Variants in FANK1 observed in about 807,000 individuals in gnomAD.
FANK1 encodes the protein fibronectin type III and ankyrin repeat domains 1.
FANK1 carries 44 observed loss-of-function variants against 45.3 expected under a neutral mutation model. The observed-to-expected ratio is 0.97, with a 90% CI of 0.76 to 1.25. The LOEUF is 1.25. Among genes scored for constraint, FANK1 ranks in the 50% most tolerant of loss-of-function variants. The pLI, the probability that FANK1 is intolerant of heterozygous loss-of-function variation, is 0.00. For missense variants in FANK1, 391 were observed against 424.4 expected (o/e 0.92, Z 0.69); for synonymous variants, 149 against 152.5 (o/e 0.98, Z 0.17).
chr10:125,917,144 A>G (rs1426050231), intron 1 of FANK1, among the ~76,000 whole-genome samples: 1 of 150,852 alleles, frequency 6.6e-6, no homozygotes, highest in East Asian at 2.0e-4. Flanking sequence ...ACTTATGCTA[A>G]ATGCTGTGTC....
At position 126,008,532 on chromosome 10, in the gene FANK1, T is replaced by G; in HGVS notation, c.831T>G (p.Asn277Lys). 1 of 1,611,176 alleles carries G rather than the reference T, an allele frequency of 6.2e-7. No individual in the cohort carries two copies. Among genetic ancestry groups the G allele is most frequent in the Non-Finnish European group, 8.5e-7 (1 of 1,179,236 alleles). Residue 277 changes from asparagine (N) to lysine (K), a missense_variant, in exon 8 of 11, where the codon AAT (asparagine) becomes AAG (lysine). Physicochemically the swap from Asn to Lys is moderately conservative, Grantham distance 94 (BLOSUM62 0). Coordinates refer to ENST00000368693, the MANE Select transcript of FANK1 (RefSeq NM_145235.5). Reference sequence around the variant, plus strand: ...CCAATGTGAATGTGAAGGACAGAAATGGAAAGACGCCCCTTATGGTAGGTC... The same window carrying G: ...CCAATGTGAATGTGAAGGACAGAAAGGGAAAGACGCCCCTTATGGTAGGTC... ...AGANVNVKDR[N>K]GKTPLMVAVL...
chr10:125,923,242 T>A (rs2134131860), intron 1 of FANK1, among the ~76,000 whole-genome samples: 1 of 151,916 alleles, frequency 6.6e-6, no homozygotes, highest in South Asian at 2.1e-4. Context: ...GAGGACCACT[T>A]GACTACAGTA....
chr10:125,915,432 G>A (rs1470068432), intron 1 of FANK1, among the ~76,000 whole-genome samples: 1 of 152,222 alleles, frequency 6.6e-6, no homozygotes, highest in Non-Finnish European at 1.5e-5. Flanking sequence ...TCCAAGGCAG[G>A]TTGATTTGCA....
At chr10:125,996,756 T>A in intron 5 of FANK1, 132 bp downstream of exon 5, 1 of 696,116 alleles carries the variant, frequency 1.4e-6, no homozygotes, top group South Asian at 2.2e-5. Context: ...TCCCAAACCG[T>A]ACCATATGAT....
intron 1 of FANK1, among the ~76,000 whole-genome samples, chr10:125,952,849 ACACACACACACT>A (rs1949339992): frequency 9.2e-6 from 1 of 108,116 alleles, no homozygotes; most frequent in African/African-American, 3.6e-5. Flanking sequence ...ACACACACAC[ACACACACACACT>A]GTTCTTACGT....
chr10:125,972,985 C>T (rs1476679623), intron 1 of FANK1: 1 of 152,514 alleles, frequency 6.6e-6, no homozygotes, highest in African/African-American at 2.4e-5. Context: ...TGTACCAGAT[C>T]TGGAGGGGTG....
At chr10:125,985,392 A>T (rs1370644409) in intron 2 of FANK1, among the ~76,000 whole-genome samples, 1 of 152,186 alleles carries the variant, frequency 6.6e-6, no homozygotes, top group Non-Finnish European at 1.5e-5. Context: ...CTACCTACTC[A>T]TAAGACTACT....
chr10:125,996,499 C>G (rs765081204), intron 4 of FANK1, 51 bp from the exon 5 acceptor site: 9 of 1,570,112 alleles, frequency 5.7e-6, no homozygotes, highest in Non-Finnish European at 7.9e-6. Context: ...GGCTTTGACT[C>G]TGCAGTAGCT....
chr10:125,994,339 C>T (rs967880676), intron 3 of FANK1: 4 of 959,378 alleles, frequency 4.2e-6, no homozygotes, highest in Non-Finnish European at 5.0e-6. Flanking sequence ...TGCTAACCCC[C>T]TAGAGCCTAG....
At chr10:125,920,943 A>G (rs1410477797) in intron 1 of FANK1, among the ~76,000 whole-genome samples, 1 of 152,204 alleles carries the variant, frequency 6.6e-6, no homozygotes, top group Non-Finnish European at 1.5e-5. Context: ...CTGGCCTTCT[A>G]ATGATTTCAC....
At chr10:125,957,791 C>T (rs11244722) in intron 1 of FANK1, among the ~76,000 whole-genome samples, 56,537 of 152,036 alleles carry the variant, frequency 0.37, 11,017 homozygotes, top group Non-Finnish European at 0.44. Context: ...TCCCAAAGTG[C>T]TGAGGTTATA....
chr10:125,910,491 C>T (rs1945903072), intron 1 of FANK1, among the ~76,000 whole-genome samples: 1 of 152,138 alleles, frequency 6.6e-6, no homozygotes, highest in Non-Finnish European at 1.5e-5. Flanking sequence ...GTATATCATT[C>T]CAGAGATAGT....
chr10:125,969,936 G>GT (rs1950392715), intron 1 of FANK1, among the ~76,000 whole-genome samples: 1 of 152,206 alleles, frequency 6.6e-6, no homozygotes, highest in Non-Finnish European at 1.5e-5. Flanking sequence ...AGAGCATGGG[G>GT]TTGGGGGTAA....
intron 1 of FANK1, among the ~76,000 whole-genome samples, chr10:125,924,138 T>A (rs1052967981): frequency 3.5e-4 from 54 of 152,228 alleles, no homozygotes; most frequent in African/African-American, 1.3e-3. Flanking sequence ...CCCACAAGTT[T>A]TAGCTTGGCT....
At chr10:125,903,871 C>CA (rs1327503405) in intron 1 of FANK1, among the ~76,000 whole-genome samples, 19 of 151,790 alleles carry the variant, frequency 1.3e-4, no homozygotes, top group Non-Finnish European at 2.5e-4. Context: ...TTTTTTGAGA[C>CA]AGAGTTTCAC....
At chr10:125,905,784 A>C (rs78809128) in intron 1 of FANK1, among the ~76,000 whole-genome samples, 5 of 147,954 alleles carry the variant, frequency 3.4e-5, no homozygotes, top group African/African-American at 1.2e-4. Flanking sequence ...TTTTCTCTTA[A>C]AAGTTTCTGC....
At chr10:125,903,088 C>T (rs561206914) in intron 1 of FANK1, among the ~76,000 whole-genome samples, 4 of 152,416 alleles carry the variant, frequency 2.6e-5, no homozygotes, top group African/African-American at 4.8e-5. Flanking sequence ...GGCTTGAAGC[C>T]GTGTCTTTCC....
chr10:125,937,216 CCAAACAGTTGTT>C (rs1394393598), intron 1 of FANK1, among the ~76,000 whole-genome samples: 1 of 152,148 alleles, frequency 6.6e-6, no homozygotes, highest in East Asian at 1.9e-4. Flanking sequence ...CTAGATATTG[CCAAACAGTTGTT>C]CAAGGTCGTG....
At chr10:125,984,110 A>G (rs1951399943) in intron 2 of FANK1, among the ~76,000 whole-genome samples, 1 of 152,172 alleles carries the variant, frequency 6.6e-6, no homozygotes, top group Non-Finnish European at 1.5e-5. Flanking sequence ...GCACAGGCCC[A>G]GTGATGCTGC....
Sources: gnomAD v4.1 joint callset for allele counts (sites outside exome capture counted in the v4.1 genomes callset) on GRCh38, gnomAD v4.1.1 for gene constraint, MANE v1.5 for transcripts, NCBI Gene and HGNC (gene_info 2026-07-23, HGNC 2026-07-21) for gene names.